Variants in TH observed in about 807,000 individuals in gnomAD.
TH encodes the protein tyrosine 3-monooxygenase.
Under a neutral mutation model 57.4 loss-of-function variants are expected in TH, and 49 were observed. The observed-to-expected ratio is 0.85, with a 90% confidence interval of 0.68 to 1.08. The LOEUF is 1.08. Among genes scored for constraint, TH ranks in the 50% least tolerant of loss-of-function variants. The probability of loss-of-function intolerance (pLI) is 0.00; values close to 1 mark genes in which losing one functional copy is unlikely to be tolerated. For missense variants in TH, 720 were observed against 696.7 expected (o/e 1.03, Z -0.38); for synonymous variants, 330 against 304.5 (o/e 1.08, Z -0.87).
chr11:2,164,978 C>G (rs1846045587), intron 12 of TH, among the ~76,000 whole-genome samples: 1 of 152,212 alleles, frequency 6.6e-6, no homozygotes, highest in Non-Finnish European at 1.5e-5. Context: ...AGCTCAGGCT[C>G]TGTCAGCACC....
At chr11:2,164,761 C>A (rs1846038602) in intron 12 of TH, among the ~76,000 whole-genome samples, 1 of 152,114 alleles carries the variant, frequency 6.6e-6, no homozygotes. Flanking sequence ...GCATAAGAGG[C>A]TGGAGGGAAA....
Position 2,168,531 on chromosome 11 carries a change from G to A in TH, c.447C>T (p.Arg149=). The change falls in exon 3 of 13, where the codon CGC becomes CGT. Residue 149 remains arginine (R), a synonymous_variant. Coordinates refer to ENST00000352909, the MANE Select transcript of TH (RefSeq NM_000360.4). ...GGCTGCGCACGTCCTCTGACACCTGGCGCACACCACTGAGCAGGGCGGCCA... is the reference window on the plus strand; with the variant it reads ...GGCTGCGCACGTCCTCTGACACCTGACGCACACCACTGAGCAGGGCGGCCA... ...GDLAALLSGV[R]QVSEDVRSPA... is the part of the protein sequence containing the mutation. The A allele has an allele frequency of 6.2e-7, 1 of 1,612,302 alleles. No individual in the cohort carries two copies. Among genetic ancestry groups the A allele is most frequent in the Non-Finnish European group, 8.5e-7 (1 of 1,179,822 alleles).
chr11:2,167,212 T>C (rs1846123885), intron 6 of TH, 180 bp from the exon 7 acceptor site: 1 of 1,043,214 alleles, frequency 9.6e-7, no homozygotes, highest in East Asian at 2.6e-5. Flanking sequence ...TCCCAGGGGA[T>C]AGGGGGCCAT....
At position 2,165,739 on chromosome 11, in the gene TH, C is replaced by G. The variant is rs745551241; in HGVS notation, c.1129G>C (p.Gly377Arg). 1 of 1,612,752 alleles carries G rather than the reference C, an allele frequency of 6.2e-7. No individual in the cohort carries two copies. Among genetic ancestry groups the G allele is most frequent in the Admixed American group, 1.7e-5 (1 of 60,012 alleles). The change falls in exon 11 of 13, where the codon GGG (glycine) becomes CGG (arginine). Residue 377 changes from glycine to arginine, a missense_variant. Physicochemically the swap from Gly to Arg is moderately radical, Grantham distance 125. Coordinates refer to ENST00000352909, the MANE Select transcript of TH (RefSeq NM_000360.4). ...STLYWFTVEF[G>R]LCKQNGEVKA... ...ACCTCCCCGTTCTGCTTACACAGCC[C>G]GAACTCCACCGTGAACCAGTACAGC...
intron 7 of TH, 27 bp from the exon 8 acceptor site, chr11:2,166,795 C>T (rs1224699039): frequency 4.5e-6 from 7 of 1,547,686 alleles, no homozygotes; most frequent in Non-Finnish European, 6.1e-6. Context: ...GGGTCACTGC[C>T]GAGCCGGGAC....
intron 7 of TH, 28 bp downstream of exon 7, chr11:2,166,859 G>T (rs1223518051): frequency 6.3e-7 from 1 of 1,597,090 alleles, no homozygotes. Context: ...CGGCCCCCCG[G>T]CTCTGCGCCC....
At position 2,168,579 on chromosome 11, in the gene TH, G is replaced by A. The variant is rs765570779; in HGVS notation, c.399C>T (p.Arg133=). Residue 133 remains arginine (R), a synonymous_variant, in exon 3 of 13, where the codon CGC becomes CGT. Transcript: ENST00000352909. The stretch of plus-strand genomic sequence containing the variant: ...CCAGGTCCCCTCGGCGCACCTCGAG[G>A]CGCACGAAGTACTCCAGGTGGGGGC... ...AGGPHLEYFV[R]LEVRRGDLAA... is the part of the protein sequence containing the mutation. 3.1e-6 allele frequency: 5 copies of A among 1,611,854 alleles called. No homozygotes were observed. Among genetic ancestry groups the A allele is most frequent in the Non-Finnish European group, 3.4e-6 (4 of 1,179,682 alleles).
intron 12 of TH, 45 bp from the exon 13 acceptor site, chr11:2,164,437 T>A (rs922911101): frequency 9.8e-6 from 15 of 1,538,226 alleles, no homozygotes; most frequent in Non-Finnish European, 1.3e-5. Flanking sequence ...GCGGGCAGAG[T>A]CTGCAGCCTC....
Position 2,171,088 on chromosome 11 carries a change from A to AATGG in TH, c.90+608_90+609insCCAT, listed in dbSNP as rs1846242920. ...CACAGGGAACACAGACTCCATGGTG[A>AATGG]ATGAATGAATGAATGAATGAATGAA... On this transcript the variant is annotated intron_variant, in intron 1 of 12. Transcript: ENST00000352909. The surrounding 1 kb of genome is among the most constrained non-coding windows in gnomAD (Gnocchi z 8.6). Among the ~76,000 whole-genome samples the AATGG allele has an allele frequency of 1.1e-5, 1 of 89,286 alleles. No individual in the cohort carries two copies. The allele number at this position is 89,286 out of a possible 152,430, so 58.6% of individuals were successfully genotyped here. A position where few individuals can be genotyped will look rare whatever the true frequency, so the allele number is the denominator to read the frequency against.
rs748036493 is a variant in TH, at chr11:2,170,812, T to C, written c.90+885A>G. The C allele has an allele frequency of 1.8e-4, 3 of 16,962 alleles. No individual in the cohort carries two copies. The highest frequency in any genetic ancestry group is 3.0e-4 in the Non-Finnish European group (3 of 9,964). 1.1% of individuals were successfully genotyped at this position (16,962 alleles called of 1,614,324 possible). A position where few individuals can be genotyped will look rare whatever the true frequency, so the allele number is the denominator to read the frequency against. On this transcript the variant is annotated intron_variant, in intron 1 of 12. Coordinates refer to ENST00000352909, the MANE Select transcript of TH (RefSeq NM_000360.4). The surrounding 1 kb of genome is among the most constrained non-coding windows in gnomAD (Gnocchi z 6.0). ...TGATGGGGAGCCTGGTGGGGGAGGG[T>C]AGGGGAGGGCGGGGGAGGACGGGGG...
intron 9 of TH, chr11:2,166,277 G>T: frequency 1.1e-6 from 1 of 893,610 alleles, no homozygotes; most frequent in Admixed American, 2.5e-5. Context: ...CCGTTCCCAG[G>T]TAGCCGGCAG....
At chr11:2,166,593 A>G in intron 8 of TH, 40 bp downstream of exon 8, 1 of 1,583,580 alleles carries the variant, frequency 6.3e-7, no homozygotes, top group Non-Finnish European at 8.6e-7. Context: ...CGCCCGTCGC[A>G]CCCCCCACCC....
chr11:2,167,650 G>A (rs1308514723), intron 5 of TH, 165 bp from the exon 6 acceptor site: 7 of 1,074,746 alleles, frequency 6.5e-6, no homozygotes, highest in South Asian at 1.5e-5. Context: ...GCCGTGAGCC[G>A]GCTATGTGGC....
intron 6 of TH, 100 bp from the exon 7 acceptor site, chr11:2,167,132 A>C: frequency 1.3e-6 from 2 of 1,502,462 alleles, no homozygotes; most frequent in Non-Finnish European, 1.8e-6. Flanking sequence ...GCCCCTACCA[A>C]CGCAGGCCTC....
chr11:2,165,790 C>T lies in TH; in HGVS notation c.1105-27G>A, dbSNP rs1288803667. ...TGCGGGGAAGCCGGGCAGCATCAGC[C>T]CAGAGACAGCTGCCGCCCACCGGGC... On this transcript the variant is annotated intron_variant, in intron 10 of 12. Transcript: ENST00000352909. 3.1e-6 allele frequency: 5 copies of T among 1,605,610 alleles called. No homozygotes were observed. In the East Asian group the frequency reaches 6.8e-5, roughly 22 times the overall value.
At chr11:2,166,352 G>A (rs1590166712) in intron 9 of TH, 128 bp downstream of exon 9, 4 of 1,280,558 alleles carry the variant, frequency 3.1e-6, no homozygotes, top group African/African-American at 1.5e-5. Context: ...CCCTCGGGGC[G>A]CCGAGCCTCC....
At chr11:2,166,224 C>G (rs567678506) in intron 9 of TH, 166 bp from the exon 10 acceptor site, 4 of 916,718 alleles carry the variant, frequency 4.4e-6, no homozygotes, top group Non-Finnish European at 6.8e-6. Flanking sequence ...GGGCCTCCTC[C>G]TCCAGGCAGC....
intron 12 of TH, 90 bp downstream of exon 12, chr11:2,165,142 C>A: frequency 1.3e-6 from 2 of 1,598,008 alleles, no homozygotes. Context: ...CCTGGGCTCA[C>A]AGGTCCAGCC....
At chr11:2,166,119 G>T (rs1846082659) in intron 9 of TH, 61 bp from the exon 10 acceptor site, 1 of 1,527,084 alleles carries the variant, frequency 6.5e-7, no homozygotes, top group Non-Finnish European at 8.9e-7. Context: ...TCGAGGTGGG[G>T]GCACCGGGGG....
Sources: allele counts gnomAD v4.1 joint callset (sites outside exome capture counted in the v4.1 genomes callset), GRCh38; gene constraint gnomAD v4.1.1; non-coding constraint Gnocchi (gnomAD v3.1); transcripts MANE v1.5; gene names NCBI Gene and HGNC (gene_info 2026-07-23, HGNC 2026-07-21).